The following CPNE4 variants were observed in gnomAD, a reference collection of about 807,000 sequenced individuals.
The protein encoded by CPNE4 is copine 4.
A neutral mutation model predicts 67.9 loss-of-function variants in CPNE4; 25 were observed. That is an observed-to-expected ratio of 0.37 (90% CI 0.27 to 0.51). The LOEUF is 0.51. CPNE4 is among the 20% of genes least tolerant of loss of function. The pLI is 0.93. For missense variants in CPNE4, 464 were observed against 690.8 expected (o/e 0.67, Z 3.68); for synonymous variants, 242 against 244.9 (o/e 0.99, Z 0.11).
chr3:131,874,532 A>G (rs1197036261), intron 2 of CPNE4, among the ~76,000 whole-genome samples: 1 of 152,184 alleles, frequency 6.6e-6, no homozygotes, highest in Non-Finnish European at 1.5e-5. Flanking sequence ...TAAAATCACA[A>G]GGTCTCTAAG....
At chr3:132,000,208 A>T (rs573987145) in intron 1 of CPNE4, among the ~76,000 whole-genome samples, 99 of 152,112 alleles carry the variant, frequency 6.5e-4, no homozygotes, top group African/African-American at 2.1e-3. Context: ...AGGAAGGAAG[A>T]CCCTGTCAAG....
chr3:131,581,521 C>G (rs1018302791), intron 9 of CPNE4, 58 bp downstream of exon 9: 12 of 1,143,198 alleles, frequency 1.0e-5, no homozygotes, highest in Non-Finnish European at 1.5e-5. Context: ...ACCACCTGAA[C>G]TCTTCCTCTC....
intron 2 of CPNE4, among the ~76,000 whole-genome samples, chr3:131,828,395 C>A (rs762331990): frequency 4.6e-5 from 7 of 152,112 alleles, no homozygotes; most frequent in Admixed American, 3.9e-4. Context: ...ACAGTATGTA[C>A]CTTTTAATAT....
At chr3:131,543,371 A>G (rs1935631222) in intron 14 of CPNE4, among the ~76,000 whole-genome samples, 1 of 152,224 alleles carries the variant, frequency 6.6e-6, no homozygotes, top group South Asian at 2.1e-4. Context: ...CATTTTAAGT[A>G]TGTTTGGAAC....
intron 7 of CPNE4, among the ~76,000 whole-genome samples, chr3:131,652,347 C>T (rs1039150041): frequency 6.6e-6 from 1 of 152,212 alleles, no homozygotes; most frequent in African/African-American, 2.4e-5. Flanking sequence ...AGGAGATTGT[C>T]ACCAGGTACT....
chr3:131,737,801 A>G (rs1212743171), intron 2 of CPNE4, among the ~76,000 whole-genome samples: 3 of 152,190 alleles, frequency 2.0e-5, no homozygotes, highest in Non-Finnish European at 4.4e-5. Context: ...GACAACATCA[A>G]TGATTTCAGT....
chr3:131,915,419 T>G (rs2089147544), intron 1 of CPNE4, among the ~76,000 whole-genome samples: 1 of 152,208 alleles, frequency 6.6e-6, no homozygotes, highest in Admixed American at 6.5e-5. Context: ...CATCAACAAG[T>G]TGAGGGTCTA....
intron 1 of CPNE4, among the ~76,000 whole-genome samples, chr3:131,958,609 CTTTT>C (rs748126986): frequency 2.1e-5 from 2 of 96,030 alleles, no homozygotes; most frequent in African/African-American, 1.0e-4. Context: ...TCTTTCTTTT[CTTTT>C]TTTTTTTTTT....
intron 3 of CPNE4, among the ~76,000 whole-genome samples, chr3:131,708,976 A>ATATG (rs2081489107): frequency 1.1e-5 from 1 of 93,358 alleles, no homozygotes; most frequent in Non-Finnish European, 2.2e-5. Flanking sequence ...ATATATATAT[A>ATATG]TATATATATA....
intron 10 of CPNE4, among the ~76,000 whole-genome samples, chr3:131,573,012 T>C (rs962868534): frequency 7.9e-5 from 12 of 152,226 alleles, no homozygotes; most frequent in Middle Eastern, 3.4e-3. Flanking sequence ...TAAATTAAGT[T>C]GCACCACTTG....
intron 7 of CPNE4, among the ~76,000 whole-genome samples, chr3:131,651,192 T>C (rs1397411755): frequency 2.6e-5 from 4 of 152,152 alleles, no homozygotes; most frequent in African/African-American, 9.7e-5. Flanking sequence ...GGCCTTCCCC[T>C]TTCTTCCCAT....
intron 2 of CPNE4, among the ~76,000 whole-genome samples, chr3:131,784,829 T>C (rs2107863289): frequency 6.6e-6 from 1 of 152,276 alleles, no homozygotes; most frequent in South Asian, 2.1e-4. Context: ...TAAGACAGAA[T>C]CTATTACTGA....
chr3:131,801,440 G>A, intron 2 of CPNE4, among the ~76,000 whole-genome samples: 1 of 91,500 alleles, frequency 1.1e-5, no homozygotes, highest in African/African-American at 4.7e-5. Context: ...GTGTGTGTGT[G>A]TGTGTGTGTG....
chr3:131,924,613 T>A (rs776124473), intron 1 of CPNE4, among the ~76,000 whole-genome samples: 9 of 152,152 alleles, frequency 5.9e-5, no homozygotes, highest in Non-Finnish European at 1.3e-4. Flanking sequence ...TTGATATTTT[T>A]AAAAATTCCT....
chr3:131,542,843 G>C, intron 14 of CPNE4, 50 bp from the exon 15 acceptor site: 1 of 1,323,232 alleles, frequency 7.6e-7, no homozygotes, highest in Non-Finnish European at 1.1e-6. Flanking sequence ...AGGTGAGGGA[G>C]ACAAGGACAA....
intron 6 of CPNE4, among the ~76,000 whole-genome samples, chr3:131,673,921 C>T (rs2080491653): frequency 6.6e-6 from 1 of 152,094 alleles, no homozygotes; most frequent in East Asian, 1.9e-4. Context: ...TCAGTTTTTC[C>T]CAATTCAGCA....
chr3:131,813,787 A>C (rs1442333043), intron 2 of CPNE4, among the ~76,000 whole-genome samples: 3 of 152,172 alleles, frequency 2.0e-5, no homozygotes, highest in Admixed American at 6.5e-5. Context: ...AAGTCCCAGA[A>C]CACTTATTTA....
chr3:131,975,200 C>T (rs549475737), intron 1 of CPNE4, among the ~76,000 whole-genome samples: 1 of 152,170 alleles, frequency 6.6e-6, no homozygotes, highest in African/African-American at 2.4e-5. Context: ...GGTTCTGGGG[C>T]TTTTAAATGT....
chr3:131,837,936 G>A (rs1309434950), intron 2 of CPNE4, among the ~76,000 whole-genome samples: 1 of 151,892 alleles, frequency 6.6e-6, no homozygotes, highest in Non-Finnish European at 1.5e-5. Context: ...CATTTCAAGT[G>A]TATAATTGAA....
Sources: allele counts gnomAD v4.1 joint callset (sites outside exome capture counted in the v4.1 genomes callset), GRCh38; gene constraint gnomAD v4.1.1; transcripts MANE v1.5; gene names NCBI Gene and HGNC (gene_info 2026-07-23, HGNC 2026-07-21).